The following FAM110B variants were observed in gnomAD, a reference collection of about 807,000 sequenced individuals.
FAM110B encodes protein FAM110B.
A neutral mutation model predicts 20.4 loss-of-function variants in FAM110B; 6 were observed. That is an observed-to-expected ratio of 0.29 (90% CI 0.16 to 0.58). FAM110B has a LOEUF of 0.58. FAM110B is among the 20% of genes least tolerant of loss of function. The pLI is 0.90. For missense variants in FAM110B, 434 were observed against 498.2 expected (o/e 0.87, Z 1.23); for synonymous variants, 226 against 214.1 (o/e 1.06, Z -0.49).
intron 3 of FAM110B, among the ~76,000 whole-genome samples, chr8:58,081,059 A>T (rs1477232549): frequency 6.6e-6 from 1 of 152,164 alleles, no homozygotes; most frequent in Non-Finnish European, 1.5e-5. Context: ...TCAGGTGTTG[A>T]GCCCTGCTGA....
chr8:58,022,978 C>G (rs1804786992), intron 1 of FAM110B, among the ~76,000 whole-genome samples: 2 of 152,124 alleles, frequency 1.3e-5, no homozygotes, highest in South Asian at 4.1e-4. Flanking sequence ...CTTAGAGTCC[C>G]TGCATCTGAT....
chr8:58,031,347 T>C (rs2150572912), intron 1 of FAM110B: 1 of 152,302 alleles, frequency 6.6e-6, no homozygotes, highest in African/African-American at 2.4e-5. Context: ...TTCCCCAGGC[T>C]CATGGAAATA....
intron 3 of FAM110B, among the ~76,000 whole-genome samples, chr8:58,095,032 T>A (rs1195704042): frequency 1.3e-5 from 2 of 152,230 alleles, no homozygotes; most frequent in Non-Finnish European, 2.9e-5. Context: ...CTTGTTTATT[T>A]GCGTAGAGGT....
chr8:58,095,092 G>T (rs180778612), intron 3 of FAM110B, among the ~76,000 whole-genome samples: 3 of 152,102 alleles, frequency 2.0e-5, no homozygotes, highest in African/African-American at 7.2e-5. Flanking sequence ...GATCGGTGGT[G>T]ATATCCCCTT....
At chr8:58,112,152 C>A (rs1170737789) in intron 3 of FAM110B, among the ~76,000 whole-genome samples, 1 of 151,894 alleles carries the variant, frequency 6.6e-6, no homozygotes, top group Non-Finnish European at 1.5e-5. Context: ...ATAGTGAAAC[C>A]CTGTCTGTAC....
intron 1 of FAM110B, among the ~76,000 whole-genome samples, chr8:58,008,654 AC>A: frequency 6.6e-6 from 1 of 152,240 alleles, no homozygotes; most frequent in East Asian, 1.9e-4. Context: ...AACTATAGTC[AC>A]CCTGCAATGC....
chr8:58,027,809 G>A (rs528937633), intron 1 of FAM110B, among the ~76,000 whole-genome samples: 7 of 152,188 alleles, frequency 4.6e-5, no homozygotes, highest in Non-Finnish European at 7.4e-5. Context: ...GTATTCCTTC[G>A]TGTGGTATAC....
intron 2 of FAM110B, among the ~76,000 whole-genome samples, chr8:58,044,350 T>G (rs1473134059): frequency 2.6e-5 from 4 of 152,232 alleles, no homozygotes; most frequent in African/African-American, 9.6e-5. Flanking sequence ...TAGATAACTT[T>G]CAGGAACATA....
chr8:57,997,601 C>A (rs897028468), intron 1 of FAM110B, among the ~76,000 whole-genome samples: 1 of 152,166 alleles, frequency 6.6e-6, no homozygotes, highest in African/African-American at 2.4e-5. Context: ...AGGGCCAATT[C>A]TCATTTACTT....
chr8:58,127,589 C>T lies in FAM110B; in HGVS notation c.-324-18318C>T, dbSNP rs1285754167. 2.6e-5 allele frequency among the ~76,000 whole-genome samples: 4 copies of T among 152,014 alleles called. No homozygotes were observed. In the East Asian group the frequency reaches 7.7e-4, roughly 29 times the overall value. On this transcript the variant is annotated intron_variant, in intron 3 of 3. Coordinates refer to ENST00000519262, the MANE Select transcript of FAM110B (RefSeq NM_001377989.1). ...AAAATGTAAATAAAAAACCCTAGAACCAAAAGGTGAGTTCAGCAAGTTCGC... is the reference window on the plus strand; with the variant it reads ...AAAATGTAAATAAAAAACCCTAGAATCAAAAGGTGAGTTCAGCAAGTTCGC...
chr8:58,080,020 C>T (rs1806149900), intron 3 of FAM110B, among the ~76,000 whole-genome samples: 1 of 152,176 alleles, frequency 6.6e-6, no homozygotes, highest in South Asian at 2.1e-4. Flanking sequence ...GTGCAGTTTT[C>T]ACTTGCCCTT....
intron 3 of FAM110B, among the ~76,000 whole-genome samples, chr8:58,118,788 G>GA (rs1807283155): frequency 6.6e-6 from 1 of 152,134 alleles, no homozygotes; most frequent in Non-Finnish European, 1.5e-5. Context: ...TATAACTTCA[G>GA]ATGTTATTTT....
intron 3 of FAM110B, among the ~76,000 whole-genome samples, chr8:58,076,139 T>G (rs1358238200): frequency 6.6e-6 from 1 of 152,184 alleles, no homozygotes; most frequent in African/African-American, 2.4e-5. Flanking sequence ...TAAAAATTTT[T>G]TCATAGAGAT....
At chr8:58,066,577 G>A (rs143507732) in intron 2 of FAM110B, among the ~76,000 whole-genome samples, 3 of 152,274 alleles carry the variant, frequency 2.0e-5, no homozygotes, top group African/African-American at 7.2e-5. Context: ...TTGAGTGTCA[G>A]GAACAGAAAA....
intron 1 of FAM110B, among the ~76,000 whole-genome samples, chr8:58,002,335 T>G (rs1234726025): frequency 6.6e-6 from 1 of 152,242 alleles, no homozygotes; most frequent in Non-Finnish European, 1.5e-5. Context: ...AAAAGTATAC[T>G]TCCCAAGTTG....
chr8:58,144,193 G>T (rs1460627505), intron 3 of FAM110B, among the ~76,000 whole-genome samples: 1 of 152,078 alleles, frequency 6.6e-6, no homozygotes, highest in Non-Finnish European at 1.5e-5. Context: ...TTCTGGTATT[G>T]TCCTGGGGTC....
At chr8:58,050,290 TG>T (rs1408781910) in intron 2 of FAM110B, among the ~76,000 whole-genome samples, 38 of 152,166 alleles carry the variant, frequency 2.5e-4, no homozygotes, top group African/African-American at 8.7e-4. Flanking sequence ...ACTTTTTGCA[TG>T]AACAAACAGA....
rs569273112 is a variant in FAM110B, at chr8:58,095,071, T to C, written c.-325+19448T>C. Among the ~76,000 whole-genome samples the C allele has an allele frequency of 2.6e-5, 4 of 152,334 alleles. No individual in the cohort carries two copies. The South Asian group carries it at 6.2e-4, about 24-fold the overall frequency. ...TATAGTATTCTCTGATGGTAGTTTGTATTTTTGTGGGATCGGTGGTGATAT... is the reference window on the plus strand; with the variant it reads ...TATAGTATTCTCTGATGGTAGTTTGCATTTTTGTGGGATCGGTGGTGATAT... On this transcript the variant is annotated intron_variant, in intron 3 of 3. Transcript: ENST00000519262.
chr8:58,112,828 A>C (rs1807096500), intron 3 of FAM110B, among the ~76,000 whole-genome samples: 1 of 152,250 alleles, frequency 6.6e-6, no homozygotes, highest in Non-Finnish European at 1.5e-5. Context: ...CTTAAGGACT[A>C]AGGGCTAAGG....
Sources: gnomAD v4.1 joint callset for allele counts (sites outside exome capture counted in the v4.1 genomes callset) on GRCh38, gnomAD v4.1.1 for gene constraint, MANE v1.5 for transcripts, NCBI Gene and HGNC (gene_info 2026-07-23, HGNC 2026-07-21) for gene names.